Variants in ACACA observed in about 807,000 individuals in gnomAD.
ACACA encodes the protein acetyl-CoA carboxylase alpha.
ACACA carries 103 observed loss-of-function variants against 296.1 expected under a neutral mutation model. That is an observed-to-expected ratio of 0.35 (90% confidence interval 0.30 to 0.41). ACACA has a LOEUF of 0.41. Ranked by LOEUF, ACACA falls within the 10% of genes least tolerant of loss-of-function variation. The pLI, the probability that ACACA is intolerant of heterozygous loss-of-function variation, is 1.00. For missense variants in ACACA, 1,554 were observed against 2,989.7 expected (o/e 0.52, Z 11.20); for synonymous variants, 953 against 1,038.6 (o/e 0.92, Z 1.58).
chr17:37,263,969 T>C (rs1391088493), intron 10 of ACACA, 75 bp from the exon 11 acceptor site: 5 of 1,232,762 alleles, frequency 4.1e-6, no homozygotes, highest in Admixed American at 1.9e-5. Context: ...TAAGCTACTT[T>C]GATTTCAACA....
intron 3 of ACACA, among the ~76,000 whole-genome samples, chr17:37,312,958 T>A (rs1020556372): frequency 6.6e-6 from 1 of 152,258 alleles, no homozygotes; most frequent in Non-Finnish European, 1.5e-5. Context: ...ATTTGGCAGA[T>A]CAGGATATCC....
chr17:37,207,028 G>T, intron 31 of ACACA, 149 bp from the exon 32 acceptor site: 1 of 741,092 alleles, frequency 1.3e-6, no homozygotes, highest in Non-Finnish European at 2.3e-6. Context: ...GAGGTGACAT[G>T]CAAAATTTCA....
At chr17:37,197,548 A>G (rs1224184749) in intron 35 of ACACA, among the ~76,000 whole-genome samples, 2 of 152,158 alleles carry the variant, frequency 1.3e-5, no homozygotes, top group Non-Finnish European at 2.9e-5. Context: ...TTTTCACAGT[A>G]CACTAACTAT....
At chr17:37,137,085 G>T (rs1050578991) in intron 45 of ACACA, among the ~76,000 whole-genome samples, 4 of 152,102 alleles carry the variant, frequency 2.6e-5, no homozygotes, top group African/African-American at 9.7e-5. Context: ...ATTTTCTTTG[G>T]TGTAATGTCT....
At chr17:37,298,536 A>G (rs1399452412) in intron 3 of ACACA, among the ~76,000 whole-genome samples, 1 of 152,114 alleles carries the variant, frequency 6.6e-6, no homozygotes, top group Non-Finnish European at 1.5e-5. Flanking sequence ...TTGAAAAAAA[A>G]ATTAGCCAGG....
intron 25 of ACACA, among the ~76,000 whole-genome samples, chr17:37,232,792 G>T (rs79809931): frequency 6.6e-6 from 1 of 151,324 alleles, no homozygotes; most frequent in African/African-American, 2.4e-5. Flanking sequence ...TTTTTTTAAA[G>T]AAAAATGTAA....
At chr17:37,307,992 T>C (rs1258684140) in intron 3 of ACACA, among the ~76,000 whole-genome samples, 2 of 151,834 alleles carry the variant, frequency 1.3e-5, no homozygotes, top group African/African-American at 4.8e-5. Context: ...ACTGAAAAAC[T>C]GAACATACAT....
intron 3 of ACACA, among the ~76,000 whole-genome samples, chr17:37,296,037 T>C (rs1174247546): frequency 6.6e-6 from 1 of 152,204 alleles, no homozygotes; most frequent in Non-Finnish European, 1.5e-5. Context: ...TACAGAATTT[T>C]CTGGGGTTTA....
chr17:37,210,002 A>C (rs2078676958), intron 30 of ACACA, among the ~76,000 whole-genome samples: 1 of 152,190 alleles, frequency 6.6e-6, no homozygotes, highest in Non-Finnish European at 1.5e-5. Flanking sequence ...TTAACTAACA[A>C]ACTGATAAAA....
At chr17:37,140,909 G>A (rs989457664) in intron 45 of ACACA, 7 of 278,668 alleles carry the variant, frequency 2.5e-5, no homozygotes, top group South Asian at 7.7e-5. Flanking sequence ...GGGATGAGGC[G>A]CACCAGCACA....
In ACACA at chr17:37,113,386, C is replaced by T; in HGVS notation, c.6275-121G>A. 1 of 992,734 alleles carries T rather than the reference C, an allele frequency of 1.0e-6. No individual in the cohort carries two copies. Among genetic ancestry groups the T allele is most frequent in the Non-Finnish European group, 1.6e-6 (1 of 641,802 alleles). 61.5% of individuals were successfully genotyped at this position (992,734 alleles called of 1,614,324 possible). ...CCTTATACTATGCCTCCTGTTTGGC[C>T]ACCCTATAGACTAAAGGGAGTATCG... On this transcript the variant is annotated intron_variant, in intron 50 of 55. Coordinates refer to ENST00000616317, the MANE Select transcript of ACACA (RefSeq NM_198834.3). This position sits in a 1 kb window ranked among gnomAD's most constrained non-coding sequence, Gnocchi z 4.0.
intron 1 of ACACA, chr17:37,377,847 G>A (rs551055529): frequency 1.6e-5 from 23 of 1,421,010 alleles, no homozygotes; most frequent in Admixed American, 1.0e-4. Flanking sequence ...AACCTTCCCC[G>A]GTTCCCCTCC....
At chr17:37,157,531 CTTTTTT>C (rs397687787) in intron 42 of ACACA, among the ~76,000 whole-genome samples, 2 of 90,484 alleles carry the variant, frequency 2.2e-5, no homozygotes, top group African/African-American at 9.1e-5. Flanking sequence ...ATCATTCTAT[CTTTTTT>C]TTTTTTTTTT....
At position 37,396,542 on chromosome 17, in the gene ACACA, G is replaced by A. The variant is rs369804741; in HGVS notation, c.38+9720C>T. 2.3e-4 allele frequency among the ~76,000 whole-genome samples: 35 copies of A among 152,070 alleles called. 1 individual carries two copies. The East Asian group carries it at 5.0e-3, about 22-fold the overall frequency. ...CTAGTGCAACGGTGGTTTCAGGAGT[G>A]GTACTGGCCTTAACCATTATTTCCT... On this transcript the variant is annotated intron_variant, in intron 1 of 55. Transcript: ENST00000616317.
intron 54 of ACACA, among the ~76,000 whole-genome samples, chr17:37,091,473 G>C (rs1412962211): frequency 6.6e-6 from 1 of 152,200 alleles, no homozygotes; most frequent in Non-Finnish European, 1.5e-5. Context: ...TAAGCATAGT[G>C]CCACTGGTTT....
At chr17:37,185,634 T>C (rs2077503190) in intron 39 of ACACA, among the ~76,000 whole-genome samples, 1 of 151,874 alleles carries the variant, frequency 6.6e-6, no homozygotes, top group Non-Finnish European at 1.5e-5. Context: ...AGTGGCACGA[T>C]CTCAGCTCAC....
intron 52 of ACACA, among the ~76,000 whole-genome samples, chr17:37,103,004 A>G (rs540617645): frequency 1.1e-4 from 17 of 152,338 alleles, no homozygotes; most frequent in African/African-American, 3.6e-4. Flanking sequence ...AGTGGAGAAT[A>G]TATGTGTTTT....
At chr17:37,381,644 T>C (rs2050265994) in intron 1 of ACACA, among the ~76,000 whole-genome samples, 1 of 149,686 alleles carries the variant, frequency 6.7e-6, no homozygotes, top group African/African-American at 2.5e-5. Context: ...TTTTTTTTTT[T>C]TGAGACAGAG....
At chr17:37,287,590 A>AC (rs71159699) in intron 3 of ACACA, among the ~76,000 whole-genome samples, 32,471 of 143,956 alleles carry the variant, frequency 0.23, 4,346 homozygotes, top group African/African-American at 0.32. Flanking sequence ...AAAAAAAAAA[A>AC]CAAATATCCA....
Sources: gnomAD v4.1 joint callset for allele counts (sites outside exome capture counted in the v4.1 genomes callset) on GRCh38, gnomAD v4.1.1 for gene constraint, Gnocchi (gnomAD v3.1) non-coding constraint, MANE v1.5 for transcripts, NCBI Gene and HGNC (gene_info 2026-07-23, HGNC 2026-07-21) for gene names.